Variants in PRKAG2 observed in about 807,000 individuals in gnomAD.
PRKAG2 encodes the protein protein kinase AMP-activated non-catalytic subunit gamma 2, also known as 5'-AMP-activated protein kinase subunit gamma-2.
In PRKAG2, 26 loss-of-function variants were observed where a neutral mutation model predicts 69.6. That is an observed-to-expected ratio of 0.37 (90% CI 0.27 to 0.52). The LOEUF is 0.52. Ranked by LOEUF, PRKAG2 falls within the 20% of genes least tolerant of loss-of-function variation. PRKAG2 has a pLI of 0.90. For synonymous variants in PRKAG2, 293 were observed against 285.0 expected, an observed-to-expected ratio of 1.03 and a Z score of -0.28; for missense variants, 557 against 740.0, an observed-to-expected ratio of 0.75 and a Z score of 2.87.
At chr7:151,726,584 G>A (rs1279807225) in intron 3 of PRKAG2, among the ~76,000 whole-genome samples, 2 of 152,168 alleles carry the variant, frequency 1.3e-5, no homozygotes. Flanking sequence ...GGACGCAGGA[G>A]TCGTTGTCTG....
rs1263342179 is a variant in PRKAG2, at chr7:151,632,542, C to G, written c.685-404G>C. 2.0e-6 allele frequency: 2 copies of G among 981,416 alleles called. No individual in the cohort carries two copies. The highest frequency in any genetic ancestry group is 5.2e-4 in the Middle Eastern group (1 of 1,932). 60.8% of individuals were successfully genotyped at this position (981,416 alleles called of 1,614,324 possible). A position where few individuals can be genotyped will look rare whatever the true frequency, so the allele number is the denominator to read the frequency against. ...GCCATTGGGAGAGGCCCGCGGCCCG[C>G]CCCCACTCCGCCCCCCGGCGCCGCT... On this transcript the variant is annotated intron_variant, in intron 4 of 15. Transcript: ENST00000287878. This position sits in a 1 kb window ranked among gnomAD's most constrained non-coding sequence, Gnocchi z 4.2.
intron 5 of PRKAG2, among the ~76,000 whole-genome samples, chr7:151,599,804 G>A (rs1563223237): frequency 6.6e-6 from 1 of 152,168 alleles, no homozygotes; most frequent in East Asian, 1.9e-4. Flanking sequence ...GAACTGTACT[G>A]GTTCATGGCC....
chr7:151,665,599 G>A (rs749928328), intron 4 of PRKAG2, among the ~76,000 whole-genome samples: 22 of 152,236 alleles, frequency 1.4e-4, no homozygotes, highest in South Asian at 8.3e-4. Flanking sequence ...AACCAATCCC[G>A]CTGAGAATCA....
chr7:151,809,201 A>G (rs2078287560), intron 1 of PRKAG2: 1 of 456,314 alleles, frequency 2.2e-6, no homozygotes, highest in African/African-American at 2.0e-5. Context: ...AAATCCCAAG[A>G]GGGGTGAGTG....
chr7:151,760,571 A>G (rs1271700147), intron 3 of PRKAG2, among the ~76,000 whole-genome samples: 11 of 152,170 alleles, frequency 7.2e-5, no homozygotes. Context: ...GGACTGCCCT[A>G]CAGCATGAGG....
chr7:151,656,133 AC>A (rs1829377144), intron 4 of PRKAG2, among the ~76,000 whole-genome samples: 4 of 152,248 alleles, frequency 2.6e-5, no homozygotes, highest in Admixed American at 6.5e-5. Context: ...AATTATAAGT[AC>A]ATATTCATTT....
chr7:151,712,014 G>C (rs557155887), intron 3 of PRKAG2, among the ~76,000 whole-genome samples: 1 of 152,216 alleles, frequency 6.6e-6, no homozygotes, highest in Non-Finnish European at 1.5e-5. Context: ...GCTGTGTCTC[G>C]GGTGATGGAG....
intron 4 of PRKAG2, among the ~76,000 whole-genome samples, chr7:151,634,534 A>G (rs1825397329): frequency 6.6e-6 from 1 of 152,238 alleles, no homozygotes; most frequent in African/African-American, 2.4e-5. Flanking sequence ...AGTAGGAGAA[A>G]ATACTTGCAA....
At chr7:151,832,826 C>G (rs772086212) in intron 1 of PRKAG2, among the ~76,000 whole-genome samples, 2 of 152,114 alleles carry the variant, frequency 1.3e-5, no homozygotes, top group African/African-American at 4.8e-5. Flanking sequence ...CCAGAGACCC[C>G]TATCCCAGGC....
At chr7:151,858,606 G>A (rs895497199) in intron 1 of PRKAG2, among the ~76,000 whole-genome samples, 2 of 152,192 alleles carry the variant, frequency 1.3e-5, no homozygotes, top group Admixed American at 1.3e-4. Context: ...CACAGGGAAA[G>A]GGAAGTCCTG....
At chr7:151,662,740 C>T (rs554920058) in intron 4 of PRKAG2, among the ~76,000 whole-genome samples, 3 of 151,594 alleles carry the variant, frequency 2.0e-5, no homozygotes, top group Admixed American at 1.3e-4. Context: ...ATCTCTTCAA[C>T]AACAGAAAAA....
chr7:151,677,470 G>A (rs544181153), intron 3 of PRKAG2, among the ~76,000 whole-genome samples: 15 of 152,308 alleles, frequency 9.8e-5, no homozygotes, highest in African/African-American at 3.6e-4. Flanking sequence ...GGGATTGCAG[G>A]CATGAGCCAT....
rs569663533 is a variant in PRKAG2 at position 151,638,258 on chromosome 7, G to A, written c.685-6120C>T. Among the ~76,000 whole-genome samples the A allele has an allele frequency of 1.1e-3, 164 of 152,214 alleles. No homozygotes were observed. The highest frequency in any genetic ancestry group is 1.9e-3 in the Non-Finnish European group (129 of 68,036). Reference sequence around the variant, plus strand: ...GACTCTAGTGTGGTGGGAGGGAACAGAGGGACCCAAGTTGGACTTTATGGA... The same window carrying A: ...GACTCTAGTGTGGTGGGAGGGAACAAAGGGACCCAAGTTGGACTTTATGGA... On this transcript the variant is annotated intron_variant, in intron 4 of 15. Coordinates refer to ENST00000287878, the MANE Select transcript of PRKAG2 (RefSeq NM_016203.4). This position sits in a 1 kb window ranked among gnomAD's most constrained non-coding sequence, Gnocchi z 4.3.
chr7:151,638,174 A>G lies in PRKAG2; in HGVS notation c.685-6036T>C, dbSNP rs4726075. On this transcript the variant is annotated intron_variant, in intron 4 of 15. Coordinates refer to ENST00000287878, the MANE Select transcript of PRKAG2 (RefSeq NM_016203.4). This position sits in a 1 kb window ranked among gnomAD's most constrained non-coding sequence, Gnocchi z 4.3. ...AACTGGGTTCTGCTAACAGCCTGGCACAGTTCCACCACAGGGAACATTTCC... is the reference window on the plus strand; with the variant it reads ...AACTGGGTTCTGCTAACAGCCTGGCGCAGTTCCACCACAGGGAACATTTCC... Among the ~76,000 whole-genome samples the G allele has an allele frequency of 0.15, 22,412 of 152,132 alleles. 1,972 individuals carry two copies. Among genetic ancestry groups the G allele is most frequent in the African/African-American group, 0.23 (9,569 of 41,468 alleles).
chr7:151,754,659 G>A (rs1001716592), intron 3 of PRKAG2, among the ~76,000 whole-genome samples: 2 of 152,144 alleles, frequency 1.3e-5, no homozygotes, highest in East Asian at 3.9e-4. Context: ...ACAGCCCTGA[G>A]GGAGGCTGGG....
chr7:151,807,373 G>A lies in PRKAG2; in HGVS notation c.115-20832C>T, dbSNP rs13224758. The A allele has an allele frequency of 0.14, 63,355 of 454,026 alleles. 5,148 individuals are homozygous for A. The highest frequency in any genetic ancestry group is 0.17 in the Admixed American group (7,051 of 42,456). 28.1% of individuals were successfully genotyped at this position (454,026 alleles called of 1,614,324 possible). A position where few individuals can be genotyped will look rare whatever the true frequency, so the allele number is the denominator to read the frequency against. On this transcript the variant is annotated intron_variant, in intron 1 of 15. Transcript: ENST00000287878. This position sits in a 1 kb window ranked among gnomAD's most constrained non-coding sequence, Gnocchi z 4.4. ...TACTCCATGTGCTTTTTCATGCAGC[G>A]GGAGTGGAATTTTCAGGAAGCAGCT... is the stretch of plus-strand genomic sequence containing the variant.
chr7:151,729,437 G>A (rs1422361363), intron 3 of PRKAG2, among the ~76,000 whole-genome samples: 1 of 151,062 alleles, frequency 6.6e-6, no homozygotes, highest in Non-Finnish European at 1.5e-5. Flanking sequence ...GGGCCTTGGA[G>A]CCAGAGGGGT....
intron 5 of PRKAG2, among the ~76,000 whole-genome samples, chr7:151,630,606 C>G (rs1163147423): frequency 6.6e-6 from 1 of 152,208 alleles, no homozygotes; most frequent in Non-Finnish European, 1.5e-5. Context: ...CGATTCCTCT[C>G]GAACAGAAGC....
chr7:151,839,819 G>A (rs59076392), intron 1 of PRKAG2, among the ~76,000 whole-genome samples: 4,754 of 152,234 alleles, frequency 0.031, 231 homozygotes, highest in African/African-American at 0.11. Context: ...CCAGCCCAAC[G>A]TAGCAGGGGC....
Sources: allele counts gnomAD v4.1 joint callset (sites outside exome capture counted in the v4.1 genomes callset), GRCh38; gene constraint gnomAD v4.1.1; non-coding constraint Gnocchi (gnomAD v3.1); transcripts MANE v1.5; gene names NCBI Gene and HGNC (gene_info 2026-07-23, HGNC 2026-07-21).